The following SLC8A3 variants were observed in gnomAD, a reference collection of about 807,000 sequenced individuals.
The protein encoded by SLC8A3 is solute carrier family 8 member A3.
A neutral mutation model predicts 65.4 loss-of-function variants in SLC8A3; 37 were observed. The observed-to-expected ratio is 0.57, with a 90% CI of 0.44 to 0.74. The LOEUF is 0.74. SLC8A3 is among the 30% of genes least tolerant of loss of function. The pLI is 0.00. For missense variants in SLC8A3, 1,112 were observed against 1,172.1 expected (o/e 0.95, Z 0.75); for synonymous variants, 461 against 444.5 (o/e 1.04, Z -0.47).
At chr14:70,096,793 G>A (rs1015149714) in intron 2 of SLC8A3, among the ~76,000 whole-genome samples, 2 of 152,170 alleles carry the variant, frequency 1.3e-5, no homozygotes, top group African/African-American at 4.8e-5. Flanking sequence ...GGCTTGCAGT[G>A]GATTCTGGTT....
intron 2 of SLC8A3, among the ~76,000 whole-genome samples, chr14:70,093,933 C>T (rs1211014977): frequency 6.6e-6 from 1 of 152,206 alleles, no homozygotes; most frequent in Non-Finnish European, 1.5e-5. Context: ...TGTTCCCTCC[C>T]AGGCTCCCAC....
chr14:70,127,038 T>G (rs1020470983), intron 2 of SLC8A3, among the ~76,000 whole-genome samples: 1 of 152,164 alleles, frequency 6.6e-6, no homozygotes, highest in African/African-American at 2.4e-5. Context: ...TCCTCCTAAT[T>G]GTTGAGCACA....
intron 2 of SLC8A3, among the ~76,000 whole-genome samples, chr14:70,098,462 C>A (rs1454010622): frequency 6.6e-6 from 1 of 152,168 alleles, no homozygotes; most frequent in East Asian, 1.9e-4. Flanking sequence ...AACAAGATTC[C>A]TTTTGCCAGG....
Position 70,122,663 on chromosome 14 carries a change from AAAAC to A in SLC8A3, c.1784+43972_1784+43975del, listed in dbSNP as rs141023758. Among the ~76,000 whole-genome samples, 712 of 152,326 alleles carry A rather than the reference AAAAC, an allele frequency of 4.7e-3. 7 individuals carry two copies. Among genetic ancestry groups the A allele is most frequent in the African/African-American group, 0.014 (591 of 41,578 alleles). Reference sequence around the variant, plus strand: ...GTATTTAATAAATGTAAACTAAGCAAAAACAAACAAACAACAACAACAAACAAAC... The same window carrying A: ...GTATTTAATAAATGTAAACTAAGCAAAAACAAACAACAACAACAAACAAAC... On this transcript the variant is annotated intron_variant, in intron 2 of 6. Coordinates refer to ENST00000356921, the MANE Select transcript of SLC8A3 (RefSeq NM_182932.3).
intron 2 of SLC8A3, among the ~76,000 whole-genome samples, chr14:70,115,904 G>A (rs1893624268): frequency 6.6e-6 from 1 of 152,160 alleles, no homozygotes; most frequent in African/African-American, 2.4e-5. Context: ...TCCTTCTCAT[G>A]TGAGAAGGGA....
At chr14:70,089,264 C>A (rs533207157) in intron 2 of SLC8A3, among the ~76,000 whole-genome samples, 8 of 152,162 alleles carry the variant, frequency 5.3e-5, no homozygotes, top group Non-Finnish European at 1.0e-4. Context: ...ATTTGGGGAG[C>A]CTCCCACAGC....
intron 3 of SLC8A3, among the ~76,000 whole-genome samples, chr14:70,055,579 C>T (rs762741799): frequency 3.3e-5 from 5 of 152,126 alleles, no homozygotes; most frequent in Non-Finnish European, 7.4e-5. Flanking sequence ...AACCCACGTC[C>T]CCAGACAGAA....
intron 2 of SLC8A3, among the ~76,000 whole-genome samples, chr14:70,152,404 T>G (rs1294376573): frequency 1.3e-5 from 2 of 152,104 alleles, no homozygotes; most frequent in Non-Finnish European, 2.9e-5. Flanking sequence ...CCTGAGAAAT[T>G]CAAATGATGA....
At chr14:70,135,153 T>C (rs1159669462) in intron 2 of SLC8A3, among the ~76,000 whole-genome samples, 6 of 152,120 alleles carry the variant, frequency 3.9e-5, no homozygotes, top group Non-Finnish European at 8.8e-5. Flanking sequence ...TCAACATCAC[T>C]AATTATAAGG....
intron 2 of SLC8A3, among the ~76,000 whole-genome samples, chr14:70,160,431 A>G (rs1896816446): frequency 1.3e-5 from 2 of 152,162 alleles, no homozygotes; most frequent in Admixed American, 1.3e-4. Flanking sequence ...TTCTGTCCCG[A>G]AATAAATAAA....
intron 3 of SLC8A3, among the ~76,000 whole-genome samples, chr14:70,056,773 A>G (rs982334339): frequency 1.1e-4 from 16 of 152,224 alleles, no homozygotes; most frequent in Non-Finnish European, 1.9e-4. Context: ...GAGATGACAA[A>G]TGCAAGGTCC....
rs548250045 is a variant in SLC8A3 at position 70,080,229 on chromosome 14, C to T, written c.1785-19290G>A. ...CTCAGACTATATTTAGATGCCTTAGCGCTTTCATTTTTTTATACCACTGTG... is the reference window on the plus strand; with the variant it reads ...CTCAGACTATATTTAGATGCCTTAGTGCTTTCATTTTTTTATACCACTGTG... On this transcript the variant is annotated intron_variant, in intron 2 of 6. Transcript: ENST00000356921. 3.2e-5 allele frequency: 32 copies of T among 985,306 alleles called. No individual in the cohort carries two copies. In the Admixed American group the frequency reaches 6.8e-4, roughly 21 times the overall value. The allele number at this position is 985,306 out of a possible 1,614,324, so 61.0% of individuals were successfully genotyped here.
At chr14:70,083,376 G>T (rs1328329319) in intron 2 of SLC8A3, among the ~76,000 whole-genome samples, 1 of 152,084 alleles carries the variant, frequency 6.6e-6, no homozygotes, top group Non-Finnish European at 1.5e-5. Flanking sequence ...GAAATTATGG[G>T]GTTAGTTTTG....
In SLC8A3 at chr14:70,166,834, C is replaced by T; in HGVS notation, c.1589G>A (p.Gly530Asp). The T allele has an allele frequency of 6.2e-7, 1 of 1,614,082 alleles. No homozygotes were observed. The highest frequency in any genetic ancestry group is 1.1e-5 in the South Asian group (1 of 91,084). The stretch of plus-strand genomic sequence containing the variant: ...AGTATCACATTCAAAAGTGAAGATG[C>T]CTGCATGGTCATCATCCAAGATGGT... ...TVTILDDDHA[G>D]IFTFECDTIH... Residue 530 changes from glycine (G) to aspartate (D), a missense_variant, in exon 2 of 7, where the codon GGC becomes GAC. Physicochemically the swap from Gly to Asp is moderately conservative, Grantham distance 94 (BLOSUM62 -1). Transcript: ENST00000356921.
chr14:70,094,735 G>A (rs951487791), intron 2 of SLC8A3, among the ~76,000 whole-genome samples: 2 of 152,236 alleles, frequency 1.3e-5, no homozygotes, highest in South Asian at 4.1e-4. Flanking sequence ...AGAGCTCTGA[G>A]CTGGGTATGG....
At chr14:70,059,271 A>C (rs565466876) in intron 3 of SLC8A3, 1 of 152,284 alleles carries the variant, frequency 6.6e-6, no homozygotes, top group African/African-American at 2.4e-5. Context: ...CCTGTAGAGA[A>C]TCCTTTGGGA....
rs891548146 is a variant in SLC8A3 at position 70,076,822 on chromosome 14, T to C, written c.1785-15883A>G. ...GCATATTCTCCATTGTTCTTTCCGA[T>C]GACAGATGCCATGAAAATCATTATT... On this transcript the variant is annotated intron_variant, in intron 2 of 6. Transcript: ENST00000356921. 4.5e-4 allele frequency among the ~76,000 whole-genome samples: 68 copies of C among 152,238 alleles called. 6 individuals are homozygous for C.
chr14:70,141,880 G>A (rs10444732), intron 2 of SLC8A3, among the ~76,000 whole-genome samples: 17,635 of 152,222 alleles, frequency 0.12, 1,227 homozygotes, highest in Non-Finnish European at 0.16. Flanking sequence ...ACCTCACAGT[G>A]TAACTTTCTT....
intron 2 of SLC8A3, among the ~76,000 whole-genome samples, chr14:70,148,907 G>A (rs1215095624): frequency 2.0e-5 from 3 of 151,762 alleles, no homozygotes; most frequent in Non-Finnish European, 4.4e-5. Context: ...TGTAGAGCCG[G>A]GAGGAGTTGT....
Sources: gnomAD v4.1 joint callset for allele counts (sites outside exome capture counted in the v4.1 genomes callset) on GRCh38, gnomAD v4.1.1 for gene constraint, MANE v1.5 for transcripts, NCBI Gene and HGNC (gene_info 2026-07-23, HGNC 2026-07-21) for gene names.